The following PRICKLE2 variants were observed in gnomAD, a reference collection of about 807,000 sequenced individuals.
PRICKLE2 encodes the protein prickle planar cell polarity protein 2.
A neutral mutation model predicts 81.4 loss-of-function variants in PRICKLE2; 21 were observed. The ratio of observed to expected loss-of-function variants is 0.26; its 90% CI spans 0.18 to 0.37. The LOEUF (loss-of-function observed/expected upper bound fraction) is 0.37. PRICKLE2 is among the 10% of genes least tolerant of loss of function. The pLI is 1.00. For synonymous variants in PRICKLE2, 456 were observed against 421.5 expected (o/e 1.08, Z -1.00); for missense variants, 940 against 1,109.0 (o/e 0.85, Z 2.16).
rs2076565431 is a variant in PRICKLE2 at position 64,095,892 on chromosome 3, CACACTTGGTAG to C, written c.*3148_*3158del. 6.6e-6 allele frequency: 1 copy of C among 152,226 alleles called. No individual in the cohort carries two copies. Among genetic ancestry groups the C allele is most frequent in the Non-Finnish European group, 1.5e-5 (1 of 68,050 alleles). The allele number at this position is 152,226 out of a possible 1,614,324, so 9.4% of individuals were successfully genotyped here. A position where few individuals can be genotyped will look rare whatever the true frequency, so the allele number is the denominator to read the frequency against. ...TGATCTCCCTTACCTCATTCACCTT[CACACTTGGTAG>C]AGATCCCACAACTATATGACAGAAG... is the stretch of plus-strand genomic sequence containing the variant. On this transcript the variant is annotated 3_prime_UTR_variant, in exon 8 of 8. Transcript: ENST00000638394.
chr3:64,239,594 AG>A (rs775517026), intron 2 of PRICKLE2, among the ~76,000 whole-genome samples: 7 of 152,188 alleles, frequency 4.6e-5, no homozygotes, highest in Non-Finnish European at 8.8e-5. Flanking sequence ...TCCCAGCCAC[AG>A]GGACAGGGGA....
chr3:64,267,862 G>T lies in PRICKLE2; in HGVS notation c.129-68895C>A, dbSNP rs116835107. 6.8e-3 allele frequency: 1,029 copies of T among 152,346 alleles called. 5 individuals are homozygous for T. Among genetic ancestry groups the T allele is most frequent in the Admixed American group, 0.011 (169 of 15,302 alleles). 9.4% of individuals were successfully genotyped at this position (152,346 alleles called of 1,614,324 possible). A position where few individuals can be genotyped will look rare whatever the true frequency, so the allele number is the denominator to read the frequency against. On this transcript the variant is annotated intron_variant, in intron 2 of 8. Coordinates refer to the PRICKLE2 transcript ENST00000295902. ...CCAGGAGCAAACATGCCCCTGCGCCGCCCTCTGTGCTCCCCGGCTATGGGG... is the reference window on the plus strand; with the variant it reads ...CCAGGAGCAAACATGCCCCTGCGCCTCCCTCTGTGCTCCCCGGCTATGGGG...
rs115052178 is a variant in PRICKLE2, at chr3:64,148,323, G to A, written c.788-621C>T. ...CCATTACTCTCCACCCTTACCTGCT[G>A]GAGTTTTCTTGATAGCATTAATACC... is the stretch of plus-strand genomic sequence containing the variant. On this transcript the variant is annotated intron_variant, in intron 6 of 7. Transcript: ENST00000638394. Among the ~76,000 whole-genome samples, 167 of 152,302 alleles carry A rather than the reference G, an allele frequency of 1.1e-3. 1 individual carries two copies. Among genetic ancestry groups the A allele is most frequent in the African/African-American group, 3.8e-3 (157 of 41,574 alleles).
At chr3:64,162,136 G>T (rs2077745551) in intron 3 of PRICKLE2, among the ~76,000 whole-genome samples, 1 of 152,050 alleles carries the variant, frequency 6.6e-6, no homozygotes, top group South Asian at 2.1e-4. Flanking sequence ...GGAGCTGCTG[G>T]GATTCAGCTC....
intron 5 of PRICKLE2, among the ~76,000 whole-genome samples, chr3:64,156,119 G>A (rs1371375463): frequency 1.3e-5 from 2 of 152,180 alleles, no homozygotes; most frequent in African/African-American, 2.4e-5. Flanking sequence ...ATTTTCAGAT[G>A]TGGAAACTGA....
chr3:64,168,379 A>C (rs2077870662), intron 2 of PRICKLE2, among the ~76,000 whole-genome samples: 1 of 152,134 alleles, frequency 6.6e-6, no homozygotes, highest in Admixed American at 6.5e-5. Context: ...AGCTTTAAAA[A>C]ATTGCAAAAA....
intron 2 of PRICKLE2, among the ~76,000 whole-genome samples, chr3:64,249,135 T>A (rs2079403853): frequency 6.6e-6 from 1 of 152,152 alleles, no homozygotes; most frequent in Non-Finnish European, 1.5e-5. Flanking sequence ...TGGCTCTTGG[T>A]TCTGCAGGCT....
rs1417925032 is a variant in PRICKLE2 at position 64,147,295 on chromosome 3, C to G, written c.1195G>C (p.Glu399Gln). 1 of 1,613,454 alleles carries G rather than the reference C, an allele frequency of 6.2e-7. No individual in the cohort carries two copies. Among genetic ancestry groups the G allele is most frequent in the African/African-American group, 1.3e-5 (1 of 74,916 alleles). The change falls in exon 7 of 8, where the codon GAG becomes CAG. Residue 399 changes from glutamate to glutamine, a missense_variant. Physicochemically the swap from Glu to Gln is conservative, Grantham distance 29. Coordinates refer to ENST00000638394, the MANE Select transcript of PRICKLE2 (RefSeq NM_198859.4). The surrounding 1 kb of genome is among the most constrained non-coding windows in gnomAD (Gnocchi z 5.0). ...ATCTTGTTCCCATAATGGTAGGGCTCTTCCCGGCTCCTCCAGATGGGGTCC... is the reference window on the plus strand; with the variant it reads ...ATCTTGTTCCCATAATGGTAGGGCTGTTCCCGGCTCCTCCAGATGGGGTCC... Reference protein sequence around the residue: ...NRDPIWRSREEPYHYGNKMEQ... With the variant: ...NRDPIWRSREQPYHYGNKMEQ...
intron 2 of PRICKLE2, among the ~76,000 whole-genome samples, chr3:64,255,809 A>G (rs1241631083): frequency 1.3e-5 from 2 of 152,168 alleles, no homozygotes; most frequent in African/African-American, 2.4e-5. Context: ...AGTTCTGGCC[A>G]AGGAGATGGT....
At chr3:64,214,079 C>T (rs1255931723) in intron 1 of PRICKLE2, among the ~76,000 whole-genome samples, 1 of 152,176 alleles carries the variant, frequency 6.6e-6, no homozygotes, top group Non-Finnish European at 1.5e-5. Flanking sequence ...TGGGCCAGCT[C>T]CATGCACAGA....
At chr3:64,247,605 TC>T (rs1474493922) in intron 2 of PRICKLE2, among the ~76,000 whole-genome samples, 1 of 152,176 alleles carries the variant, frequency 6.6e-6, no homozygotes, top group Non-Finnish European at 1.5e-5. Flanking sequence ...AAAATTTCCT[TC>T]CTTTTACTTA....
chr3:64,255,354 C>T (rs987979370), intron 2 of PRICKLE2, among the ~76,000 whole-genome samples: 1 of 152,206 alleles, frequency 6.6e-6, no homozygotes, highest in South Asian at 2.1e-4. Context: ...GCTTCAACCT[C>T]AGCCATGTGC....
At chr3:64,130,754 A>T (rs1268956174) in intron 7 of PRICKLE2, among the ~76,000 whole-genome samples, 1 of 152,212 alleles carries the variant, frequency 6.6e-6, no homozygotes, top group East Asian at 1.9e-4. Flanking sequence ...ATTTTAAAAC[A>T]GTCCCTCACC....
intron 7 of PRICKLE2, among the ~76,000 whole-genome samples, chr3:64,128,219 A>G (rs2106980370): frequency 1.3e-5 from 2 of 152,312 alleles, no homozygotes; most frequent in Middle Eastern, 6.8e-3. Context: ...ACAGGCACCC[A>G]TCGCTTTCTC....
intron 7 of PRICKLE2, among the ~76,000 whole-genome samples, chr3:64,122,291 T>G (rs948346722): frequency 6.6e-6 from 1 of 152,120 alleles, no homozygotes; most frequent in African/African-American, 2.4e-5. Flanking sequence ...AGGTCTCAAG[T>G]AGATGTCCCC....
At position 64,225,121 on chromosome 3, in the gene PRICKLE2, C is replaced by G. The variant is rs142388795; in HGVS notation, c.-252G>C. Reference sequence around the variant, plus strand: ...GACTCAAGCCGAGCTGCTCCACATTCCCTCAGGGAAAACAGCACTGCTGGA... The same window carrying G: ...GACTCAAGCCGAGCTGCTCCACATTGCCTCAGGGAAAACAGCACTGCTGGA... On this transcript the variant is annotated 5_prime_UTR_variant, in exon 1 of 8. Transcript: ENST00000638394. The G allele has an allele frequency of 0.018, 18,108 of 985,444 alleles. 185 individuals are homozygous for G. Among genetic ancestry groups the G allele is most frequent in the South Asian group, 0.039 (832 of 21,278 alleles). The allele number at this position is 985,444 out of a possible 1,614,324, so 61.0% of individuals were successfully genotyped here. A position where few individuals can be genotyped will look rare whatever the true frequency, so the allele number is the denominator to read the frequency against.
At chr3:64,131,012 G>C (rs1315972534) in intron 7 of PRICKLE2, among the ~76,000 whole-genome samples, 1 of 152,304 alleles carries the variant, frequency 6.6e-6, no homozygotes, top group South Asian at 2.1e-4. Context: ...TTGAGGTTGA[G>C]GTTGGAGTTC....
chr3:64,153,603 C>A (rs2077580059), intron 5 of PRICKLE2: 5 of 524,874 alleles, frequency 9.5e-6, no homozygotes, highest in African/African-American at 1.9e-5. Context: ...ATTAACTTAA[C>A]CACATTTAAT....
rs2076555874 is a variant in PRICKLE2 at position 64,095,263 on chromosome 3, G to A, written c.*3788C>T. On this transcript the variant is annotated 3_prime_UTR_variant, in exon 8 of 8. Coordinates refer to ENST00000638394, the MANE Select transcript of PRICKLE2 (RefSeq NM_198859.4). Reference sequence around the variant, plus strand: ...AGCCTCCACAACCTGGGATGGGGGAGGGGCAGGTGAATTGGAGTCTCCGAA... The same window carrying A: ...AGCCTCCACAACCTGGGATGGGGGAAGGGCAGGTGAATTGGAGTCTCCGAA... 6.6e-6 allele frequency: 1 copy of A among 152,160 alleles called. No homozygotes were observed. The highest frequency in any genetic ancestry group is 2.4e-5 in the African/African-American group (1 of 41,428). The allele number at this position is 152,160 out of a possible 1,614,324, so 9.4% of individuals were successfully genotyped here. A position where few individuals can be genotyped will look rare whatever the true frequency, so the allele number is the denominator to read the frequency against.
Sources: allele counts gnomAD v4.1 joint callset (sites outside exome capture counted in the v4.1 genomes callset), GRCh38; gene constraint gnomAD v4.1.1; non-coding constraint Gnocchi (gnomAD v3.1); transcripts MANE v1.5; gene names NCBI Gene and HGNC (gene_info 2026-07-23, HGNC 2026-07-21).